Variants in NAA15 observed in about 807,000 individuals in gnomAD.
The protein encoded by NAA15 is N-alpha-acetyltransferase 15, NatA auxiliary subunit, also known as N-terminal acetyltransferase.
A neutral mutation model predicts 114.0 loss-of-function variants in NAA15; 34 were observed. The ratio of observed to expected loss-of-function variants is 0.30; its 90% CI spans 0.23 to 0.40. The LOEUF (loss-of-function observed/expected upper bound fraction) is 0.40. Among genes scored for constraint, NAA15 ranks in the 10% least tolerant of loss-of-function variants. The probability of loss-of-function intolerance (pLI) is 1.00; values close to 1 mark genes in which losing one functional copy is unlikely to be tolerated. For synonymous variants in NAA15, 340 were observed against 338.0 expected, an observed-to-expected ratio of 1.01 and a Z score of -0.06; for missense variants, 658 against 1,004.5, an observed-to-expected ratio of 0.66 and a Z score of 4.66.
chr4:139,309,176 C>G (rs781677346), intron 1 of NAA15, among the ~76,000 whole-genome samples: 1 of 150,458 alleles, frequency 6.6e-6, no homozygotes, highest in East Asian at 2.0e-4. Flanking sequence ...GGTGAAACCC[C>G]GTCTTTACTA....
chr4:139,355,098 C>T (rs6811341), intron 10 of NAA15, among the ~76,000 whole-genome samples: 40,355 of 151,958 alleles, frequency 0.27, 5,674 homozygotes, highest in African/African-American at 0.35. Context: ...AGGCTGGTCT[C>T]GAACTCCTGA....
In NAA15 at chr4:139,366,618, TA is replaced by T. The variant is rs373921990; in HGVS notation, c.1754-3590del. On this transcript the variant is annotated intron_variant, in intron 14 of 19. Transcript: ENST00000296543. ...TCATTTTTGGGTTTTTTTTTTTTTT[TA>T]AATTTTTGAGACAGGGTCTCACTCT... is the stretch of plus-strand genomic sequence containing the variant. Among the ~76,000 whole-genome samples the T allele has an allele frequency of 9.3e-3, 1,383 of 147,994 alleles. 17 individuals carry two copies. The highest frequency in any genetic ancestry group is 0.026 in the African/African-American group (1,056 of 40,430).
At position 139,384,723 on chromosome 4, in the gene NAA15, C is replaced by A. The variant is rs187862635; in HGVS notation, c.2156-109C>A. On this transcript the variant is annotated intron_variant, in intron 17 of 19. Transcript: ENST00000296543. Reference sequence around the variant, plus strand: ...TGAGCCATGGTTGTGCCACTGTACTCCAGCCTGGGTGATAGAGCAAGACCC... The same window carrying A: ...TGAGCCATGGTTGTGCCACTGTACTACAGCCTGGGTGATAGAGCAAGACCC... 51 of 676,454 alleles carry A rather than the reference C, an allele frequency of 7.5e-5. No homozygotes were observed. The African/African-American group carries it at 7.9e-4, about 11-fold the overall frequency. The allele number at this position is 676,454 out of a possible 1,614,324, so 41.9% of individuals were successfully genotyped here. A position where few individuals can be genotyped will look rare whatever the true frequency, so the allele number is the denominator to read the frequency against.
chr4:139,334,075 G>A (rs555255452), intron 1 of NAA15, 99 bp from the exon 2 acceptor site: 16 of 710,670 alleles, frequency 2.3e-5, no homozygotes, highest in East Asian at 5.8e-5. Flanking sequence ...TATGGAAATA[G>A]CATTCTGTTG....
At position 139,390,529 on chromosome 4, in the gene NAA15, G is replaced by A. The variant is rs1749033641; in HGVS notation, c.*2445G>A. On this transcript the variant is annotated 3_prime_UTR_variant, in exon 20 of 20. Coordinates refer to ENST00000296543, the MANE Select transcript of NAA15 (RefSeq NM_057175.5). ...TGGAGTGATGTTGTAATCTAAACAA[G>A]TGCCTTATGTTTATTGCTAAGAACT... The A allele has an allele frequency of 6.6e-6, 1 of 152,634 alleles. No homozygotes were observed. The highest frequency in any genetic ancestry group is 6.5e-5 in the Admixed American group (1 of 15,282). The allele number at this position is 152,634 out of a possible 1,614,324, so 9.5% of individuals were successfully genotyped here.
chr4:139,382,809 T>G (rs1748790082), intron 17 of NAA15, among the ~76,000 whole-genome samples: 1 of 152,214 alleles, frequency 6.6e-6, no homozygotes, highest in Middle Eastern at 3.2e-3. Context: ...AAATGCTATT[T>G]AACCAACAAA....
intron 11 of NAA15, 82 bp from the exon 12 acceptor site, chr4:139,359,661 A>G: frequency 1.4e-6 from 2 of 1,379,946 alleles, no homozygotes; most frequent in Non-Finnish European, 2.0e-6. Context: ...TTGTTTTTAA[A>G]TTATTTATCA....
At chr4:139,371,134 G>GC (rs1023883199) in intron 15 of NAA15, among the ~76,000 whole-genome samples, 69 of 152,160 alleles carry the variant, frequency 4.5e-4, no homozygotes, top group African/African-American at 1.5e-3. Context: ...GGAAGCAGTC[G>GC]CCCCAGACTT....
intron 17 of NAA15, among the ~76,000 whole-genome samples, chr4:139,383,444 G>A (rs921861083): frequency 2.6e-5 from 4 of 152,114 alleles, no homozygotes; most frequent in Non-Finnish European, 5.9e-5. Context: ...CAAGGCCTGG[G>A]AATATGATGA....
chr4:139,316,969 A>G (rs1360711079), intron 1 of NAA15, among the ~76,000 whole-genome samples: 2 of 151,048 alleles, frequency 1.3e-5, no homozygotes, highest in African/African-American at 4.9e-5. Context: ...GTGCCTTGCT[A>G]AAACTGTTGC....
Position 139,366,652 on chromosome 4 carries a change from A to T in NAA15, c.1754-3559A>T, listed in dbSNP as rs540807530. Among the ~76,000 whole-genome samples, 29 of 148,908 alleles carry T rather than the reference A, an allele frequency of 1.9e-4. No homozygotes were observed. In the South Asian group the frequency reaches 6.1e-3, roughly 31 times the overall value. On this transcript the variant is annotated intron_variant, in intron 14 of 19. Coordinates refer to ENST00000296543, the MANE Select transcript of NAA15 (RefSeq NM_057175.5). ...GAGACAGGGTCTCACTCTGTCTTCC[A>T]GGCTGGAGTGCAGAGACTCAGTCAT...
At chr4:139,321,565 G>A (rs535902235) in intron 1 of NAA15, among the ~76,000 whole-genome samples, 40 of 145,724 alleles carry the variant, frequency 2.7e-4, no homozygotes, top group African/African-American at 8.2e-4. Flanking sequence ...TCCGCCTCCC[G>A]GATTCATGCC....
intron 1 of NAA15, among the ~76,000 whole-genome samples, chr4:139,314,700 A>G (rs1161776434): frequency 1.3e-5 from 2 of 151,874 alleles, no homozygotes; most frequent in Non-Finnish European, 1.5e-5. Context: ...TTTTGTTGAG[A>G]TGGAGTCTCG....
chr4:139,312,929 C>T (rs1746268579), intron 1 of NAA15, among the ~76,000 whole-genome samples: 1 of 151,840 alleles, frequency 6.6e-6, no homozygotes, highest in Non-Finnish European at 1.5e-5. Context: ...CTGATGGGCT[C>T]TACTGCACTT....
At chr4:139,372,653 G>T (rs1748473445) in intron 15 of NAA15, among the ~76,000 whole-genome samples, 1 of 152,062 alleles carries the variant, frequency 6.6e-6, no homozygotes, top group Admixed American at 6.5e-5. Context: ...TCATAATTAG[G>T]AGTGGCTTTG....
rs574940924 is a variant in NAA15, at chr4:139,328,175, G to A, written c.55-5999G>A. Among the ~76,000 whole-genome samples, 11 of 151,750 alleles carry A rather than the reference G, an allele frequency of 7.2e-5. No homozygotes were observed. The East Asian group carries it at 2.1e-3, about 29-fold the overall frequency. The stretch of plus-strand genomic sequence containing the variant: ...ATCTGCTTTACTCTTATCTGGGAAA[G>A]GTTCCATTTTAAAAAAATTGAAATT... On this transcript the variant is annotated intron_variant, in intron 1 of 19. Transcript: ENST00000296543.
At chr4:139,334,914 CT>C (rs1302659171) in intron 2 of NAA15, among the ~76,000 whole-genome samples, 1 of 151,750 alleles carries the variant, frequency 6.6e-6, no homozygotes, top group Non-Finnish European at 1.5e-5. Context: ...GATTCCTTGC[CT>C]TTTTTTTGGC....
In NAA15 at chr4:139,388,416, G is replaced by A. The variant is rs1194456526; in HGVS notation, c.*332G>A. The A allele has an allele frequency of 1.6e-5, 3 of 183,080 alleles. No homozygotes were observed. The highest frequency in any genetic ancestry group is 1.1e-5 in the Non-Finnish European group (1 of 87,332). The allele number at this position is 183,080 out of a possible 1,614,324, so 11.3% of individuals were successfully genotyped here. A position where few individuals can be genotyped will look rare whatever the true frequency, so the allele number is the denominator to read the frequency against. ...GTTACAGCTAACAAAGCAGGTGTGT[G>A]GCAGAAATATTACTTTAAATTTGTC... On this transcript the variant is annotated 3_prime_UTR_variant, in exon 20 of 20. Coordinates refer to ENST00000296543, the MANE Select transcript of NAA15 (RefSeq NM_057175.5).
rs552673576 is a variant in NAA15, at chr4:139,310,248, A to T, written c.54+8417A>T. On this transcript the variant is annotated intron_variant, in intron 1 of 19. Coordinates refer to ENST00000296543, the MANE Select transcript of NAA15 (RefSeq NM_057175.5). ...GGCGGGCGGATCACGAGGTCAGGAGATCGAGACCATCCTGGCTAAAACGGT... is the reference window on the plus strand; with the variant it reads ...GGCGGGCGGATCACGAGGTCAGGAGTTCGAGACCATCCTGGCTAAAACGGT... Among the ~76,000 whole-genome samples, 731 of 150,242 alleles carry T rather than the reference A, an allele frequency of 4.9e-3. 6 individuals are homozygous for T. Among genetic ancestry groups the T allele is most frequent in the East Asian group, 0.012 (62 of 5,014 alleles).
Sources: allele counts gnomAD v4.1 joint callset (sites outside exome capture counted in the v4.1 genomes callset), GRCh38; gene constraint gnomAD v4.1.1; transcripts MANE v1.5; gene names NCBI Gene and HGNC (gene_info 2026-07-23, HGNC 2026-07-21).